The following TANC2 variants were observed in gnomAD, a reference collection of about 807,000 sequenced individuals.
TANC2 encodes protein TANC2.
A neutral mutation model predicts 210.5 loss-of-function variants in TANC2; 26 were observed. The observed-to-expected ratio is 0.12, with a 90% CI of 0.09 to 0.17. The LOEUF (loss-of-function observed/expected upper bound fraction) is 0.17. TANC2 is among the 10% of genes least tolerant of loss of function. The probability of loss-of-function intolerance (pLI) is 1.00; values close to 1 mark genes in which losing one functional copy is unlikely to be tolerated. For synonymous variants in TANC2, 931 were observed against 967.1 expected, an observed-to-expected ratio of 0.96 and a Z score of 0.69; for missense variants, 2,129 against 2,608.9, an observed-to-expected ratio of 0.82 and a Z score of 4.01.
chr17:63,317,331 C>T (rs1350115436), intron 10 of TANC2, among the ~76,000 whole-genome samples: 3 of 132,892 alleles, frequency 2.3e-5, no homozygotes, highest in Non-Finnish European at 4.8e-5. Context: ...CTTGTCATTT[C>T]CCTGGAAAGG....
chr17:63,159,123 T>C (rs1187037504), intron 5 of TANC2, among the ~76,000 whole-genome samples: 2 of 152,172 alleles, frequency 1.3e-5, no homozygotes. Flanking sequence ...AGTGACATTC[T>C]ATCACTTTTT....
At chr17:63,214,067 G>A (rs2041960950) in intron 7 of TANC2, among the ~76,000 whole-genome samples, 2 of 152,194 alleles carry the variant, frequency 1.3e-5, no homozygotes, top group African/African-American at 4.8e-5. Context: ...ACATGTCTCT[G>A]AACCATGGAA....
At chr17:63,367,328 A>C (rs575702575) in intron 14 of TANC2, among the ~76,000 whole-genome samples, 1 of 152,336 alleles carries the variant, frequency 6.6e-6, no homozygotes, top group East Asian at 1.9e-4. Flanking sequence ...CATGGGCCAC[A>C]TGTGTCCCCG....
At chr17:63,067,721 T>C (rs79403650) in intron 2 of TANC2, among the ~76,000 whole-genome samples, 4,506 of 152,164 alleles carry the variant, frequency 0.03, 83 homozygotes, top group South Asian at 0.037. Context: ...CAGAAGGAGT[T>C]AGTGAACTTG....
rs1044353617 is a variant in TANC2 at position 63,053,257 on chromosome 17, G to A, written c.68-20686G>A. Reference sequence around the variant, plus strand: ...TCTAGTGAGAGATAAAACCTTTTCCGGAAGTTCTTTCTAATCTCTATTGAA... The same window carrying A: ...TCTAGTGAGAGATAAAACCTTTTCCAGAAGTTCTTTCTAATCTCTATTGAA... On this transcript the variant is annotated intron_variant, in intron 2 of 27. Coordinates refer to ENST00000689528, the Ensembl canonical transcript of TANC2. 2.0e-5 allele frequency among the ~76,000 whole-genome samples: 3 copies of A among 152,070 alleles called. No homozygotes were observed. The East Asian group carries it at 5.8e-4, about 29-fold the overall frequency.
intron 1 of TANC2, among the ~76,000 whole-genome samples, chr17:62,987,100 A>G (rs1284318714): frequency 6.6e-6 from 1 of 152,154 alleles, no homozygotes; most frequent in South Asian, 2.1e-4. Context: ...GGGGGAGTAC[A>G]TGCAACAGTT....
chr17:63,311,776 T>C (rs188337469), intron 9 of TANC2, among the ~76,000 whole-genome samples: 87 of 152,336 alleles, frequency 5.7e-4, no homozygotes, highest in Admixed American at 2.2e-3. Context: ...ATCCATACAA[T>C]GGAATATTAT....
chr17:63,109,132 A>C (rs2037936801), intron 4 of TANC2, among the ~76,000 whole-genome samples: 1 of 151,706 alleles, frequency 6.6e-6, no homozygotes, highest in African/African-American at 2.4e-5. Flanking sequence ...TACTTTTATT[A>C]GAAAACAAGA....
At chr17:63,045,863 A>T (rs1297608463) in intron 2 of TANC2, among the ~76,000 whole-genome samples, 8 of 151,244 alleles carry the variant, frequency 5.3e-5, no homozygotes, top group African/African-American at 1.7e-4. Context: ...CTGGTCTTGA[A>T]CTCCTGGGCT....
At chr17:63,048,720 CTCTT>C (rs2144353298) in intron 2 of TANC2, among the ~76,000 whole-genome samples, 1 of 152,040 alleles carries the variant, frequency 6.6e-6, no homozygotes, top group South Asian at 2.1e-4. Flanking sequence ...TACATGTTCT[CTCTT>C]ATAAATGGGA....
At chr17:63,244,866 A>C (rs1349407937) in intron 8 of TANC2, among the ~76,000 whole-genome samples, 1 of 152,026 alleles carries the variant, frequency 6.6e-6, no homozygotes, top group Non-Finnish European at 1.5e-5. Flanking sequence ...TAGCGAATAA[A>C]TCTCTTGATT....
chr17:63,137,954 T>C (rs905358826), intron 4 of TANC2, among the ~76,000 whole-genome samples: 1 of 152,182 alleles, frequency 6.6e-6, no homozygotes, highest in Non-Finnish European at 1.5e-5. Context: ...GAATACTATC[T>C]TTTTATAAAA....
chr17:63,261,847 A>G (rs960894111), intron 8 of TANC2, among the ~76,000 whole-genome samples: 2 of 152,186 alleles, frequency 1.3e-5, no homozygotes, highest in African/African-American at 4.8e-5. Flanking sequence ...ACCTAACAAG[A>G]TGGAAGTATC....
At chr17:63,154,548 G>T (rs1022265480) in intron 5 of TANC2, 2 of 151,948 alleles carry the variant, frequency 1.3e-5, no homozygotes, top group Non-Finnish European at 2.9e-5. Flanking sequence ...TGTGTGATTT[G>T]GGGCAAGTCA....
At chr17:63,108,855 G>T (rs1246262935) in intron 4 of TANC2, among the ~76,000 whole-genome samples, 3 of 150,882 alleles carry the variant, frequency 2.0e-5, no homozygotes, top group African/African-American at 4.9e-5. Context: ...TTAAAAAGTT[G>T]ATTATATAGT....
chr17:63,270,541 AC>A (rs1288647006), intron 9 of TANC2, among the ~76,000 whole-genome samples: 1 of 152,056 alleles, frequency 6.6e-6, no homozygotes, highest in African/African-American at 2.4e-5. Flanking sequence ...AAATGAAACT[AC>A]CCCCAAAAAA....
intron 7 of TANC2, among the ~76,000 whole-genome samples, chr17:63,204,358 T>C (rs757058140): frequency 2.0e-5 from 3 of 152,168 alleles, no homozygotes; most frequent in East Asian, 1.9e-4. Context: ...TGGAAAGATA[T>C]ACTGTCTTCA....
At chr17:63,176,743 T>C (rs958527318) in intron 5 of TANC2, among the ~76,000 whole-genome samples, 1 of 149,118 alleles carries the variant, frequency 6.7e-6, no homozygotes, top group Non-Finnish European at 1.5e-5. Context: ...GAGGCGGAGC[T>C]TGCAGTGAGC....
intron 8 of TANC2, among the ~76,000 whole-genome samples, chr17:63,252,083 T>C (rs2043067331): frequency 6.6e-6 from 1 of 152,144 alleles, no homozygotes; most frequent in African/African-American, 2.4e-5. Flanking sequence ...CCAGAAGATT[T>C]TTTGATACAA....
Sources: gnomAD v4.1 joint callset for allele counts (sites outside exome capture counted in the v4.1 genomes callset) on GRCh38, gnomAD v4.1.1 for gene constraint, MANE v1.5 for transcripts, NCBI Gene and HGNC (gene_info 2026-07-23, HGNC 2026-07-21) for gene names.